The following SELPLG variants were observed in gnomAD, a reference collection of about 807,000 sequenced individuals.
SELPLG encodes P-selectin glycoprotein ligand 1.
In SELPLG, 2 loss-of-function variants were observed where a neutral mutation model predicts 1.1. That is an observed-to-expected ratio of 1.82 (90% confidence interval 0.74 to 5.71). The LOEUF (loss-of-function observed/expected upper bound fraction) is 5.71. Ranked by LOEUF, SELPLG falls within the 30% of genes most tolerant of loss-of-function variation. The probability of loss-of-function intolerance (pLI) is 0.05; values close to 1 mark genes in which losing one functional copy is unlikely to be tolerated. For missense variants in SELPLG, 478 were observed against 524.7 expected, an observed-to-expected ratio of 0.91 and a Z score of 0.87; for synonymous variants, 230 against 221.2, an observed-to-expected ratio of 1.04 and a Z score of -0.35.
At chr12:108,624,693 C>CTTTTTTTT (rs1162863553) in intron 1 of SELPLG, among the ~76,000 whole-genome samples, 1 of 114,810 alleles carries the variant, frequency 8.7e-6, no homozygotes. Flanking sequence ...CTCCTTTTTT[C>CTTTTTTTT]TTTTTTTTTT....
At chr12:108,632,849 C>T (rs2032085961) in intron 1 of SELPLG, among the ~76,000 whole-genome samples, 1 of 152,018 alleles carries the variant, frequency 6.6e-6, no homozygotes, top group African/African-American at 2.4e-5. Flanking sequence ...TTATTGTTTT[C>T]CCTTTTGCTA....
Position 108,622,289 on chromosome 12 carries a change from A to G in SELPLG, c.*780T>C, listed in dbSNP as rs2031835971. The stretch of plus-strand genomic sequence containing the variant: ...GATTCCGCTATCGTTTGTCCATCAC[A>G]TATTTATTGCCTGCACTGGACCTGC... On this transcript the variant is annotated 3_prime_UTR_variant, in exon 2 of 2. Coordinates refer to ENST00000550948, the MANE Select transcript of SELPLG (RefSeq NM_003006.4). 1 of 152,212 alleles carries G rather than the reference A, an allele frequency of 6.6e-6. No individual in the cohort carries two copies. The highest frequency in any genetic ancestry group is 2.4e-5 in the African/African-American group (1 of 41,430). The allele number at this position is 152,212 out of a possible 1,614,324, so 9.4% of individuals were successfully genotyped here. A position where few individuals can be genotyped will look rare whatever the true frequency, so the allele number is the denominator to read the frequency against.
chr12:108,632,092 C>G (rs1342581774), intron 1 of SELPLG: 1 of 637,162 alleles, frequency 1.6e-6, no homozygotes, highest in Non-Finnish European at 2.7e-6. Context: ...TCCCCAGCTC[C>G]TCTGAATGCC....
At chr12:108,632,319 A>G (rs568644791) in intron 1 of SELPLG, among the ~76,000 whole-genome samples, 1 of 152,244 alleles carries the variant, frequency 6.6e-6, no homozygotes, top group South Asian at 2.1e-4. Flanking sequence ...TGGAAAAAAA[A>G]GGAAAACAGA....
rs536107266 is a variant in SELPLG, at chr12:108,623,683, T to C, written c.625A>G (p.Met209Val). Reference protein sequence around the residue: ...MEAQTTAPAAMEAQTTPPAAM... With the variant: ...MEAQTTAPAAVEAQTTPPAAM... ...GCTGGTGGAGTGGTCTGTGCTTCCA[T>C]GGCTGCTGGTGCAGTGGTCTGTGCC... The change falls in exon 2 of 2, where the codon ATG (methionine) becomes GTG (valine). Residue 209 changes from methionine to valine, a missense_variant. Transcript: ENST00000550948. 2.6e-6 allele frequency: 4 copies of C among 1,522,596 alleles called. No homozygotes were observed. The highest frequency in any genetic ancestry group is 2.2e-5 in the East Asian group (1 of 44,776). 94.3% of individuals were successfully genotyped at this position (1,522,596 alleles called of 1,614,324 possible).
chr12:108,623,033 G>T lies in SELPLG; in HGVS notation c.*36C>A. 6.9e-7 allele frequency: 1 copy of T among 1,458,826 alleles called. No homozygotes were observed. Among genetic ancestry groups the T allele is most frequent in the Non-Finnish European group, 9.1e-7 (1 of 1,103,742 alleles). The allele number at this position is 1,458,826 out of a possible 1,614,324, so 90.4% of individuals were successfully genotyped here. On this transcript the variant is annotated 3_prime_UTR_variant, in exon 2 of 2. Coordinates refer to ENST00000550948, the MANE Select transcript of SELPLG (RefSeq NM_003006.4). ...CAGGGGTGGCCCAGGAGAGCCCGTG[G>T]AGGTGGGGTCTTGCCAAAACAGATG...
intron 1 of SELPLG, among the ~76,000 whole-genome samples, chr12:108,628,321 ACACACAC>A: frequency 1.6e-5 from 1 of 64,296 alleles, no homozygotes; most frequent in African/African-American, 5.3e-5. Context: ...TAAATGTAAC[ACACACAC>A]ACACACACAC....
At chr12:108,626,585 C>A (rs2031940819) in intron 1 of SELPLG, among the ~76,000 whole-genome samples, 1 of 152,230 alleles carries the variant, frequency 6.6e-6, no homozygotes, top group Non-Finnish European at 1.5e-5. Context: ...CAGCTTCGAC[C>A]TCCTAGGCTC....
intron 1 of SELPLG, chr12:108,631,807 C>T (rs976744110): frequency 2.3e-5 from 30 of 1,301,570 alleles, no homozygotes; most frequent in Non-Finnish European, 2.8e-5. Flanking sequence ...TTTCTAAACA[C>T]CCCTGTGTAG....
chr12:108,632,068 C>A (rs1020995852), intron 1 of SELPLG: 1 of 711,952 alleles, frequency 1.4e-6, no homozygotes, highest in Non-Finnish European at 2.3e-6. Context: ...CTCCAAGGTT[C>A]TCGGATGATT....
chr12:108,625,255 T>C (rs2031917546), intron 1 of SELPLG, among the ~76,000 whole-genome samples: 1 of 152,162 alleles, frequency 6.6e-6, no homozygotes, highest in Non-Finnish European at 1.5e-5. Flanking sequence ...CCTATCTTGC[T>C]TCCACCCTCC....
At chr12:108,630,215 G>A (rs1159947277) in intron 1 of SELPLG, among the ~76,000 whole-genome samples, 1 of 152,238 alleles carries the variant, frequency 6.6e-6, no homozygotes, top group East Asian at 1.9e-4. Flanking sequence ...AAACCAGGCT[G>A]CTTCTGGCCC....
chr12:108,623,297 G>T lies in SELPLG; in HGVS notation c.1011C>A (p.Cys337Ter). 1 of 1,614,248 alleles carries T rather than the reference G, an allele frequency of 6.2e-7. No homozygotes were observed. The highest frequency in any genetic ancestry group is 8.5e-7 in the Non-Finnish European group (1 of 1,180,044). Residue 337 changes from cysteine (C) to a stop codon, truncating the protein, a stop_gained, in exon 2 of 2, where the codon TGC becomes TGA. Transcript: ENST00000550948. LOFTEE classifies it high-confidence loss of function. ...AGAGGCGGACCGCCAGCACCACAGTGCACACGAAGAAGATAGTGGCCACCA... is the reference window on the plus strand; with the variant it reads ...AGAGGCGGACCGCCAGCACCACAGTTCACACGAAGAAGATAGTGGCCACCA... ...LALVATIFFV[C>*]TVVLAVRLSR...
chr12:108,627,889 C>T (rs2031965727), intron 1 of SELPLG, among the ~76,000 whole-genome samples: 1 of 152,116 alleles, frequency 6.6e-6, no homozygotes, highest in African/African-American at 2.4e-5. Flanking sequence ...GCCTGGGCAA[C>T]ATGGTGAAGC....
chr12:108,629,773 G>A (rs2032011633), intron 1 of SELPLG, among the ~76,000 whole-genome samples: 1 of 152,152 alleles, frequency 6.6e-6, no homozygotes, highest in African/African-American at 2.4e-5. Context: ...TCTTGTCTCA[G>A]CTGAGGCCAC....
chr12:108,631,992 C>A (rs1409226892), intron 1 of SELPLG: 1 of 1,455,880 alleles, frequency 6.9e-7, no homozygotes, highest in African/African-American at 1.4e-5. Context: ...AGCCATGCCG[C>A]CAGAGGCAGC....
chr12:108,626,491 T>G (rs2031939303), intron 1 of SELPLG, among the ~76,000 whole-genome samples: 1 of 152,020 alleles, frequency 6.6e-6, no homozygotes, highest in South Asian at 2.1e-4. Context: ...TTATTTCCAT[T>G]TATTTATTGA....
chr12:108,631,398 T>C (rs1035983067), intron 1 of SELPLG, among the ~76,000 whole-genome samples: 8 of 152,144 alleles, frequency 5.3e-5, no homozygotes, highest in African/African-American at 1.9e-4. Context: ...TACAGGTGCA[T>C]GCCACCAGAC....
chr12:108,622,939 T>C lies in SELPLG; in HGVS notation c.*130A>G. On this transcript the variant is annotated 3_prime_UTR_variant, in exon 2 of 2. Transcript: ENST00000550948. The stretch of plus-strand genomic sequence containing the variant: ...GTCCTGTTTGGGTGGCCAGAGTTCC[T>C]TCCCTGAAGATCCCCATCCCCAGGG... The C allele has an allele frequency of 9.9e-7, 1 of 1,012,638 alleles. No homozygotes were observed. Among genetic ancestry groups the C allele is most frequent in the African/African-American group, 1.6e-5 (1 of 61,874 alleles). The allele number at this position is 1,012,638 out of a possible 1,614,324, so 62.7% of individuals were successfully genotyped here. A position where few individuals can be genotyped will look rare whatever the true frequency, so the allele number is the denominator to read the frequency against.
Sources: gnomAD v4.1 joint callset for allele counts (sites outside exome capture counted in the v4.1 genomes callset) on GRCh38, gnomAD v4.1.1 for gene constraint, MANE v1.5 for transcripts, NCBI Gene and HGNC (gene_info 2026-07-23, HGNC 2026-07-21) for gene names.